ST3GAL3: variants seen among roughly 807,000 people sequenced by gnomAD.
ST3GAL3 encodes the protein ST3 beta-galactoside alpha-2,3-sialyltransferase 3.
A neutral mutation model predicts 50.1 loss-of-function variants in ST3GAL3; 21 were observed. The observed-to-expected ratio is 0.42, with a 90% CI of 0.30 to 0.60. The LOEUF (loss-of-function observed/expected upper bound fraction) is 0.60, where lower values mean the gene tolerates loss of function less well. Ranked by LOEUF, ST3GAL3 falls within the 20% of genes least tolerant of loss-of-function variation. The pLI is 0.19. For missense variants in ST3GAL3, 353 were observed against 489.4 expected (o/e 0.72, Z 2.63); for synonymous variants, 183 against 190.0 (o/e 0.96, Z 0.30).
chr1:43,779,785 T>C (rs991822980), intron 2 of ST3GAL3, among the ~76,000 whole-genome samples: 4 of 152,244 alleles, frequency 2.6e-5, no homozygotes, highest in Non-Finnish European at 4.4e-5. Flanking sequence ...ATGTTTTGTT[T>C]TTCCTGAAGT....
chr1:43,817,080 A>T lies in ST3GAL3; in HGVS notation c.209+2147A>T, dbSNP rs115243858. Reference sequence around the variant, plus strand: ...TTCTATTTCTGAGGTATAGGAAAGGACCTGAACTTGAATCAGAACTTGATT... The same window carrying T: ...TTCTATTTCTGAGGTATAGGAAAGGTCCTGAACTTGAATCAGAACTTGATT... On this transcript the variant is annotated intron_variant, in intron 4 of 11. Transcript: ENST00000347631. Among the ~76,000 whole-genome samples, 750 of 152,326 alleles carry T rather than the reference A, an allele frequency of 4.9e-3. 6 individuals carry two copies. Among genetic ancestry groups the T allele is most frequent in the African/African-American group, 0.017 (725 of 41,556 alleles).
intron 1 of ST3GAL3, among the ~76,000 whole-genome samples, chr1:43,731,731 A>G (rs1369990451): frequency 6.7e-6 from 1 of 150,130 alleles, no homozygotes; most frequent in African/African-American, 2.5e-5. Context: ...ACGGGATTTC[A>G]CAGTGTTAGC....
In ST3GAL3 at chr1:43,737,222, G is replaced by T. The variant is rs1678908210; in HGVS notation, c.118+842G>T. On this transcript the variant is annotated intron_variant, in intron 2 of 11. Transcript: ENST00000347631. This position sits in a 1 kb window ranked among gnomAD's most constrained non-coding sequence, Gnocchi z 4.0. ...AGAACAGAGTGGCCTGTTTTGACCT[G>T]CAGTGATATGTCTTCTCTTAAAATA... 1 of 152,244 alleles carries T rather than the reference G, an allele frequency of 6.6e-6. No homozygotes were observed. The highest frequency in any genetic ancestry group is 1.5e-5 in the Non-Finnish European group (1 of 68,096). 9.4% of individuals were successfully genotyped at this position (152,244 alleles called of 1,614,324 possible). A position where few individuals can be genotyped will look rare whatever the true frequency, so the allele number is the denominator to read the frequency against.
At chr1:43,875,251 C>A (rs2073835349) in intron 5 of ST3GAL3, among the ~76,000 whole-genome samples, 1 of 152,152 alleles carries the variant, frequency 6.6e-6, no homozygotes, top group Non-Finnish European at 1.5e-5. Context: ...TTAGCTATGA[C>A]AGCAGGTGAG....
At chr1:43,724,382 ATT>A (rs36044239) in intron 1 of ST3GAL3, among the ~76,000 whole-genome samples, 5 of 121,156 alleles carry the variant, frequency 4.1e-5, no homozygotes, top group Admixed American at 8.3e-5. Context: ...GGCTATTTTC[ATT>A]TTTTTTTTTT....
At chr1:43,851,938 A>G (rs554377989) in intron 5 of ST3GAL3, among the ~76,000 whole-genome samples, 179 of 152,308 alleles carry the variant, frequency 1.2e-3, no homozygotes, top group African/African-American at 3.9e-3. Context: ...CACCCCTTGC[A>G]CCAGGCTTAG....
chr1:43,783,202 G>T (rs763994939), intron 2 of ST3GAL3, among the ~76,000 whole-genome samples: 8 of 152,180 alleles, frequency 5.3e-5, no homozygotes, highest in Non-Finnish European at 7.3e-5. Flanking sequence ...TGGTTCAAAC[G>T]CATGCCTTGT....
chr1:43,859,290 G>A (rs560512132), intron 5 of ST3GAL3, among the ~76,000 whole-genome samples: 18 of 152,098 alleles, frequency 1.2e-4, no homozygotes, highest in Non-Finnish European at 2.1e-4. Context: ...CTTAGTATGC[G>A]GAAGTTTCCT....
At chr1:43,805,646 A>C (rs1259103986) in intron 3 of ST3GAL3, among the ~76,000 whole-genome samples, 1 of 152,202 alleles carries the variant, frequency 6.6e-6, no homozygotes, top group East Asian at 1.9e-4. Context: ...TCTGTCGGTA[A>C]ATGTATAATC....
At chr1:43,717,000 ATG>A in intron 1 of ST3GAL3, among the ~76,000 whole-genome samples, 1 of 152,294 alleles carries the variant, frequency 6.6e-6, no homozygotes, top group South Asian at 2.1e-4. Context: ...TCATTTGTTT[ATG>A]TACGTGGTTC....
At chr1:43,923,856 C>T (rs1025734591) in intron 11 of ST3GAL3, among the ~76,000 whole-genome samples, 1 of 152,080 alleles carries the variant, frequency 6.6e-6, no homozygotes, top group Non-Finnish European at 1.5e-5. Context: ...CTCAAACGAT[C>T]CTCCTGCCTT....
chr1:43,727,821 G>C (rs1023969723), intron 1 of ST3GAL3, among the ~76,000 whole-genome samples: 2 of 151,924 alleles, frequency 1.3e-5, no homozygotes, highest in Non-Finnish European at 2.9e-5. Flanking sequence ...GACTCCTCTT[G>C]AATATTAAGT....
chr1:43,904,265 A>G (rs1005997892), intron 9 of ST3GAL3, among the ~76,000 whole-genome samples: 1 of 152,078 alleles, frequency 6.6e-6, no homozygotes, highest in Non-Finnish European at 1.5e-5. Context: ...TGGGGATTGA[A>G]TGATGTCCAC....
chr1:43,920,756 C>T, intron 10 of ST3GAL3, 26 bp from the exon 11 acceptor site: 1 of 1,614,150 alleles, frequency 6.2e-7, no homozygotes, highest in Non-Finnish European at 8.5e-7. Context: ...TGCATGCCTT[C>T]TCTCACCCCT....
intron 5 of ST3GAL3, among the ~76,000 whole-genome samples, chr1:43,869,266 C>T (rs887532992): frequency 6.6e-6 from 1 of 152,192 alleles, no homozygotes; most frequent in Non-Finnish European, 1.5e-5. Flanking sequence ...CAGCTTCCCC[C>T]TGTGGTCTTA....
intron 11 of ST3GAL3, among the ~76,000 whole-genome samples, chr1:43,924,288 G>A (rs1439989734): frequency 6.6e-5 from 10 of 152,168 alleles, no homozygotes; most frequent in Admixed American, 5.9e-4. Context: ...CATGCTTCAC[G>A]TGCCTTCTTG....
At chr1:43,892,966 C>T (rs1008029466) in intron 5 of ST3GAL3, among the ~76,000 whole-genome samples, 37 of 152,178 alleles carry the variant, frequency 2.4e-4, no homozygotes, top group African/African-American at 7.9e-4. Context: ...TATGCATTAC[C>T]CTTTTACATG....
intron 11 of ST3GAL3, among the ~76,000 whole-genome samples, chr1:43,927,023 C>T (rs61061711): frequency 0.034 from 5,130 of 152,162 alleles, 322 homozygotes; most frequent in African/African-American, 0.12. Flanking sequence ...ACCATATATC[C>T]CTCCAACCAT....
Position 43,815,796 on chromosome 1 carries a change from C to G in ST3GAL3, c.209+863C>G, listed in dbSNP as rs535412608. Reference sequence around the variant, plus strand: ...TTGAGTATCTAATCCTTCCAGGATCCTTCCCTACTAGGCTTCTTGGTCTCT... The same window carrying G: ...TTGAGTATCTAATCCTTCCAGGATCGTTCCCTACTAGGCTTCTTGGTCTCT... On this transcript the variant is annotated intron_variant, in intron 4 of 11. Coordinates refer to ENST00000347631, the MANE Select transcript of ST3GAL3 (RefSeq NM_006279.5). Among the ~76,000 whole-genome samples the G allele has an allele frequency of 2.2e-3, 328 of 152,216 alleles. 1 individual carries two copies. The highest frequency in any genetic ancestry group is 7.6e-3 in the African/African-American group (315 of 41,534).
Sources: gnomAD v4.1 joint callset for allele counts (sites outside exome capture counted in the v4.1 genomes callset) on GRCh38, gnomAD v4.1.1 for gene constraint, Gnocchi (gnomAD v3.1) non-coding constraint, MANE v1.5 for transcripts, NCBI Gene and HGNC (gene_info 2026-07-23, HGNC 2026-07-21) for gene names.